Variants in CADM2 observed in about 807,000 individuals in gnomAD.
The protein encoded by CADM2 is immunoglobulin superfamily member 4D.
A neutral mutation model predicts 49.8 loss-of-function variants in CADM2; 12 were observed. The ratio of observed to expected loss-of-function variants is 0.24; its 90% confidence interval spans 0.15 to 0.39. CADM2 has a LOEUF of 0.39. Ranked by LOEUF, CADM2 falls within the 10% of genes least tolerant of loss-of-function variation. CADM2 has a pLI of 1.00. For synonymous variants in CADM2, 214 were observed against 175.4 expected, an observed-to-expected ratio of 1.22 and a Z score of -1.74; for missense variants, 378 against 492.3, an observed-to-expected ratio of 0.77 and a Z score of 2.20.
intron 1 of CADM2, among the ~76,000 whole-genome samples, chr3:85,499,278 T>G (rs1486852687): frequency 1.3e-5 from 2 of 152,100 alleles, no homozygotes. Context: ...CTTTAGTGAA[T>G]TTTACATTCT....
At chr3:85,364,893 CAACAACAACAACAAT>C (rs2032637418) in intron 1 of CADM2, among the ~76,000 whole-genome samples, 1 of 151,660 alleles carries the variant, frequency 6.6e-6, no homozygotes, top group Non-Finnish European at 1.5e-5. Flanking sequence ...ACAACAACAA[CAACAACAACAACAAT>C]AAACTAGAAG....
intron 1 of CADM2, among the ~76,000 whole-genome samples, chr3:84,971,328 T>C (rs2031416329): frequency 6.6e-6 from 1 of 152,034 alleles, no homozygotes. Context: ...TCATGATAAG[T>C]AACATGAAAA....
At chr3:85,878,217 T>G (rs1017941292) in intron 3 of CADM2, among the ~76,000 whole-genome samples, 3 of 152,128 alleles carry the variant, frequency 2.0e-5, no homozygotes, top group African/African-American at 7.2e-5. Context: ...AAATATATAT[T>G]CATATATTTC....
At chr3:85,340,800 C>A (rs1376579013) in intron 1 of CADM2, among the ~76,000 whole-genome samples, 1 of 151,278 alleles carries the variant, frequency 6.6e-6, no homozygotes, top group African/African-American at 2.4e-5. Context: ...TAAAATAAAT[C>A]TTTTTAAGAT....
chr3:85,954,464 C>T (rs1211699638), intron 7 of CADM2, among the ~76,000 whole-genome samples: 1 of 151,036 alleles, frequency 6.6e-6, no homozygotes, highest in Non-Finnish European at 1.5e-5. Flanking sequence ...CATTTTTAAT[C>T]AGCTTCACAG....
At chr3:85,427,477 C>G (rs1191303613) in intron 1 of CADM2, among the ~76,000 whole-genome samples, 1 of 151,916 alleles carries the variant, frequency 6.6e-6, no homozygotes, top group African/African-American at 2.4e-5. Flanking sequence ...GCTGGCCAAT[C>G]AATCCATATA....
chr3:85,787,260 G>T (rs1406409350), intron 2 of CADM2, among the ~76,000 whole-genome samples: 1 of 152,064 alleles, frequency 6.6e-6, no homozygotes, highest in Non-Finnish European at 1.5e-5. Flanking sequence ...ACTCAAGCTA[G>T]TAAAAGATGG....
intron 1 of CADM2, among the ~76,000 whole-genome samples, chr3:85,402,868 G>A (rs2035183656): frequency 6.6e-6 from 1 of 152,012 alleles, no homozygotes; most frequent in Admixed American, 6.6e-5. Flanking sequence ...TCTCCCATCT[G>A]GAAAGACTAG....
chr3:86,050,484 G>A (rs1737204696), intron 8 of CADM2, among the ~76,000 whole-genome samples: 1 of 152,192 alleles, frequency 6.6e-6, no homozygotes, highest in South Asian at 2.1e-4. Flanking sequence ...ACTAGGCAGT[G>A]CCCCAGTGGG....
At chr3:85,465,594 G>T (rs1311124160) in intron 1 of CADM2, among the ~76,000 whole-genome samples, 6 of 152,000 alleles carry the variant, frequency 3.9e-5, no homozygotes, top group Non-Finnish European at 8.8e-5. Context: ...TTACCAATTT[G>T]GAAATTAAGA....
intron 5 of CADM2, among the ~76,000 whole-genome samples, chr3:85,898,573 CTTT>C (rs199547014): frequency 7.0e-6 from 1 of 142,376 alleles, no homozygotes. Flanking sequence ...ACATATCTTT[CTTT>C]TTTTTTTTTT....
At chr3:85,501,603 A>G (rs1048730240) in intron 1 of CADM2, among the ~76,000 whole-genome samples, 2 of 152,178 alleles carry the variant, frequency 1.3e-5, no homozygotes, top group Non-Finnish European at 2.9e-5. Context: ...TTAAATTCAA[A>G]TTACTAGAAG....
intron 3 of CADM2, among the ~76,000 whole-genome samples, chr3:85,863,932 G>A (rs2075630022): frequency 6.6e-6 from 1 of 152,144 alleles, no homozygotes; most frequent in African/African-American, 2.4e-5. Context: ...GACTGGAGAC[G>A]TGGGAGTTGG....
Position 85,856,277 on chromosome 3 carries a change from A to G in CADM2, c.239-27014A>G, listed in dbSNP as rs1285718524. 2.6e-5 allele frequency among the ~76,000 whole-genome samples: 4 copies of G among 152,194 alleles called. 1 individual carries two copies. Among genetic ancestry groups the G allele is most frequent in the Admixed American group, 2.6e-4 (4 of 15,278 alleles). ...TTAGGTTTATTCCTTTGAGAAATCT[A>G]TGTTAATCTATTTTATCTCTATTTA... On this transcript the variant is annotated intron_variant, in intron 3 of 9. Coordinates refer to ENST00000383699, the MANE Select transcript of CADM2 (RefSeq NM_001167675.2).
rs1208671508 is a variant in CADM2, at chr3:86,071,929, T to G, written c.*5146T>G. ...AATGTAACAATTTCTTATAAATTCATGCTGTGTTTTAAGTAAAAATCATGT... is the reference window on the plus strand; with the variant it reads ...AATGTAACAATTTCTTATAAATTCAGGCTGTGTTTTAAGTAAAAATCATGT... On this transcript the variant is annotated 3_prime_UTR_variant, in exon 10 of 10. Transcript: ENST00000383699. The G allele has an allele frequency of 6.6e-6, 1 of 152,116 alleles. No individual in the cohort carries two copies. The highest frequency in any genetic ancestry group is 1.5e-5 in the Non-Finnish European group (1 of 67,880). The allele number at this position is 152,116 out of a possible 1,614,324, so 9.4% of individuals were successfully genotyped here. A position where few individuals can be genotyped will look rare whatever the true frequency, so the allele number is the denominator to read the frequency against.
At chr3:85,758,532 T>C (rs1373365122) in intron 2 of CADM2, among the ~76,000 whole-genome samples, 1 of 152,146 alleles carries the variant, frequency 6.6e-6, no homozygotes, top group Non-Finnish European at 1.5e-5. Context: ...TGTTTCTTTA[T>C]AAAACACAGA....
At chr3:85,652,772 C>CTTTTCTTTTTTTTTT (rs1553655456) in intron 1 of CADM2, among the ~76,000 whole-genome samples, 2 of 50,776 alleles carry the variant, frequency 3.9e-5, no homozygotes, top group African/African-American at 1.6e-4. Flanking sequence ...TTTTTCTTTT[C>CTTTTCTTTTTTTTTT]TTTTTTTTTT....
chr3:85,493,240 T>C (rs991925436), intron 1 of CADM2, among the ~76,000 whole-genome samples: 1 of 152,154 alleles, frequency 6.6e-6, no homozygotes, highest in Admixed American at 6.5e-5. Flanking sequence ...AAATACATAT[T>C]TGGAGATTTC....
chr3:85,850,419 G>T (rs2075059496), intron 3 of CADM2, among the ~76,000 whole-genome samples: 1 of 148,816 alleles, frequency 6.7e-6, no homozygotes, highest in African/African-American at 2.5e-5. Flanking sequence ...CCGCCTCCCG[G>T]GTTCACACCA....
Sources: gnomAD v4.1 joint callset for allele counts (sites outside exome capture counted in the v4.1 genomes callset) on GRCh38, gnomAD v4.1.1 for gene constraint, MANE v1.5 for transcripts, NCBI Gene and HGNC (gene_info 2026-07-23, HGNC 2026-07-21) for gene names.